UMAD1: variants seen among roughly 807,000 people sequenced by gnomAD.
UMAD1 encodes UBAP1-MVB12-associated (UMA)-domain containing protein 1.
UMAD1 carries 8 observed loss-of-function variants against 6.1 expected under a neutral mutation model. The observed-to-expected ratio is 1.30, with a 90% confidence interval of 0.76 to 2.35. The LOEUF (loss-of-function observed/expected upper bound fraction) is 2.35. Ranked by LOEUF, UMAD1 falls within the 30% of genes most tolerant of loss-of-function variation. The probability of loss-of-function intolerance (pLI) is 0.00; values close to 1 mark genes in which losing one functional copy is unlikely to be tolerated. For missense variants in UMAD1, 130 were observed against 78.4 expected, an observed-to-expected ratio of 1.66 and a Z score of -2.49; for synonymous variants, 56 against 31.4, an observed-to-expected ratio of 1.78 and a Z score of -2.61.
At chr7:7,696,327 TG>T (rs1452032589) in intron 2 of UMAD1, among the ~76,000 whole-genome samples, 2 of 149,964 alleles carry the variant, frequency 1.3e-5, no homozygotes, top group Non-Finnish European at 3.0e-5. Context: ...CCAAAACAAA[TG>T]TGGTCTGATG....
intron 2 of UMAD1, among the ~76,000 whole-genome samples, chr7:7,681,683 C>A (rs141782846): frequency 6.6e-6 from 1 of 152,094 alleles, no homozygotes; most frequent in Non-Finnish European, 1.5e-5. Flanking sequence ...CACTGGGTGG[C>A]GATTTTTCAT....
At chr7:7,829,680 A>G (rs1157255580) in intron 3 of UMAD1, among the ~76,000 whole-genome samples, 1 of 152,220 alleles carries the variant, frequency 6.6e-6, no homozygotes, top group Non-Finnish European at 1.5e-5. Flanking sequence ...ATGAACGAGC[A>G]TTTTACAAAA....
At chr7:7,690,886 T>C (rs1780157844) in intron 2 of UMAD1, among the ~76,000 whole-genome samples, 1 of 152,220 alleles carries the variant, frequency 6.6e-6, no homozygotes, top group Non-Finnish European at 1.5e-5. Flanking sequence ...ATACCTGTTA[T>C]GAAAATATGT....
chr7:7,793,584 T>TTTTCTTCTTTA (rs954702716), intron 2 of UMAD1, among the ~76,000 whole-genome samples: 1 of 152,206 alleles, frequency 6.6e-6, no homozygotes, highest in African/African-American at 2.4e-5. Flanking sequence ...CTGGCTATCT[T>TTTTCTTCTTTA]TTTCTTCTTT....
chr7:7,744,088 CCT>C (rs1209714823), intron 2 of UMAD1, among the ~76,000 whole-genome samples: 1 of 152,082 alleles, frequency 6.6e-6, no homozygotes, highest in Admixed American at 6.6e-5. Flanking sequence ...TCCCCCAAAT[CCT>C]CTTTCCCCTA....
intron 3 of UMAD1, among the ~76,000 whole-genome samples, chr7:7,802,147 A>G (rs1238781022): frequency 6.6e-6 from 1 of 152,260 alleles, no homozygotes; most frequent in Non-Finnish European, 1.5e-5. Context: ...TGGGAGGCCT[A>G]GGCGGGTAGA....
intron 2 of UMAD1, among the ~76,000 whole-genome samples, chr7:7,771,180 C>A (rs924390195): frequency 1.3e-5 from 2 of 150,866 alleles, no homozygotes; most frequent in Non-Finnish European, 3.0e-5. Flanking sequence ...TTGACAGCTT[C>A]TAGCAAAACC....
intron 2 of UMAD1, among the ~76,000 whole-genome samples, chr7:7,733,118 C>G (rs55847415): frequency 0.16 from 24,841 of 152,042 alleles, 2,267 homozygotes; most frequent in African/African-American, 0.26. Context: ...GTGTTGTAAT[C>G]TCGTATTGTT....
intron 3 of UMAD1, among the ~76,000 whole-genome samples, chr7:7,861,917 T>C (rs910808371): frequency 4.6e-5 from 7 of 152,176 alleles, no homozygotes; most frequent in African/African-American, 1.4e-4. Context: ...TCAGCATATA[T>C]TAAGAGCAGC....
intron 2 of UMAD1, among the ~76,000 whole-genome samples, chr7:7,677,102 T>G (rs540742419): frequency 2.0e-5 from 3 of 152,292 alleles, no homozygotes; most frequent in African/African-American, 7.2e-5. Flanking sequence ...TTTTAAATTT[T>G]TTATTTTTAA....
At chr7:7,709,177 ACTGT>A (rs1388445461) in intron 2 of UMAD1, among the ~76,000 whole-genome samples, 1 of 152,174 alleles carries the variant, frequency 6.6e-6, no homozygotes, top group Non-Finnish European at 1.5e-5. Flanking sequence ...TTTGAAATTG[ACTGT>A]CTTTGTTTTC....
intron 2 of UMAD1, among the ~76,000 whole-genome samples, chr7:7,786,830 C>T (rs184661987): frequency 1.6e-3 from 246 of 152,168 alleles, no homozygotes; most frequent in African/African-American, 5.6e-3. Context: ...GGAAGGTTTG[C>T]CTCACTTTAA....
chr7:7,655,246 C>T (rs1583698179), intron 1 of UMAD1, among the ~76,000 whole-genome samples: 2 of 152,150 alleles, frequency 1.3e-5, no homozygotes, highest in Admixed American at 1.3e-4. Context: ...TAGACTGCCC[C>T]TTCCCCCAGT....
chr7:7,644,729 A>G (rs112956598), intron 1 of UMAD1, among the ~76,000 whole-genome samples: 42 of 151,234 alleles, frequency 2.8e-4, no homozygotes, highest in African/African-American at 1.0e-3. Flanking sequence ...ACCACTACCT[A>G]TTTTCTTTAA....
intron 2 of UMAD1, among the ~76,000 whole-genome samples, chr7:7,696,856 G>T (rs1406657852): frequency 6.6e-6 from 1 of 151,310 alleles, no homozygotes; most frequent in African/African-American, 2.4e-5. Context: ...TTTTTTAAAG[G>T]CTGCCCTTTT....
intron 2 of UMAD1, among the ~76,000 whole-genome samples, chr7:7,763,676 A>G (rs1260615558): frequency 6.6e-6 from 1 of 152,252 alleles, no homozygotes; most frequent in African/African-American, 2.4e-5. Flanking sequence ...CAGGAGTTTG[A>G]GACCAGCCTG....
chr7:7,698,323 T>G (rs1780365531), intron 2 of UMAD1, among the ~76,000 whole-genome samples: 1 of 152,174 alleles, frequency 6.6e-6, no homozygotes, highest in South Asian at 2.1e-4. Flanking sequence ...TTTTAGTGCT[T>G]TTTAAAATAA....
At chr7:7,811,662 C>G (rs984127486) in intron 3 of UMAD1, among the ~76,000 whole-genome samples, 4 of 152,086 alleles carry the variant, frequency 2.6e-5, no homozygotes, top group African/African-American at 9.7e-5. Context: ...AAAATGCCAA[C>G]CTTTAAAATA....
chr7:7,717,378 A>C (rs1780942698), intron 2 of UMAD1, among the ~76,000 whole-genome samples: 1 of 151,896 alleles, frequency 6.6e-6, no homozygotes, highest in East Asian at 1.9e-4. Context: ...TCATCTATTA[A>C]AACTCCACTC....
Sources: allele counts gnomAD v4.1 joint callset (sites outside exome capture counted in the v4.1 genomes callset), GRCh38; gene constraint gnomAD v4.1.1; transcripts MANE v1.5; gene names NCBI Gene and HGNC (gene_info 2026-07-23, HGNC 2026-07-21).